The following GPATCH2 variants were observed in gnomAD, a reference collection of about 807,000 sequenced individuals.
GPATCH2 encodes the protein G patch domain-containing protein 2.
A neutral mutation model predicts 58.0 loss-of-function variants in GPATCH2; 51 were observed. That is an observed-to-expected ratio of 0.88 (90% CI 0.70 to 1.11). GPATCH2 has a LOEUF of 1.11. Ranked by LOEUF, GPATCH2 falls within the 50% of genes most tolerant of loss-of-function variation. The probability of loss-of-function intolerance (pLI) is 0.00; values close to 1 mark genes in which losing one functional copy is unlikely to be tolerated. For synonymous variants in GPATCH2, 222 were observed against 218.5 expected, an observed-to-expected ratio of 1.02 and a Z score of -0.14; for missense variants, 625 against 652.2, an observed-to-expected ratio of 0.96 and a Z score of 0.45.
At chr1:217,482,042 A>G (rs1571778783) in intron 8 of GPATCH2, among the ~76,000 whole-genome samples, 2 of 152,186 alleles carry the variant, frequency 1.3e-5, no homozygotes, top group East Asian at 3.9e-4. Flanking sequence ...TATTTTATAG[A>G]TAAGTAAACT....
intron 5 of GPATCH2, among the ~76,000 whole-genome samples, chr1:217,570,654 A>G (rs1666491788): frequency 6.6e-6 from 1 of 152,220 alleles, no homozygotes; most frequent in South Asian, 2.1e-4. Flanking sequence ...AATAACCAAC[A>G]AAGCGATGGC....
chr1:217,606,732 C>A (rs1322230701), intron 5 of GPATCH2, among the ~76,000 whole-genome samples: 2 of 151,936 alleles, frequency 1.3e-5, no homozygotes, highest in African/African-American at 4.8e-5. Context: ...CAGAGCAAGA[C>A]CCATCTCAAA....
chr1:217,608,750 A>C (rs894109287), intron 5 of GPATCH2: 61 of 981,860 alleles, frequency 6.2e-5, no homozygotes, highest in Non-Finnish European at 7.0e-5. Context: ...TATGTAATTC[A>C]GAAAAAAAAC....
At chr1:217,562,230 A>T (rs1665965026) in intron 5 of GPATCH2, among the ~76,000 whole-genome samples, 1 of 152,200 alleles carries the variant, frequency 6.6e-6, no homozygotes, top group South Asian at 2.1e-4. Flanking sequence ...GGGTTTATTA[A>T]CTTCATAAAC....
At chr1:217,574,443 T>C (rs1277813080) in intron 5 of GPATCH2, among the ~76,000 whole-genome samples, 3 of 152,120 alleles carry the variant, frequency 2.0e-5, no homozygotes, top group African/African-American at 7.2e-5. Context: ...GGAGTGCCCT[T>C]CCACTTAGGC....
At chr1:217,616,317 G>T (rs1472086817) in intron 2 of GPATCH2, among the ~76,000 whole-genome samples, 2 of 152,066 alleles carry the variant, frequency 1.3e-5, no homozygotes, top group Admixed American at 6.5e-5. Context: ...AAAACTTGTT[G>T]AATTAAATTT....
chr1:217,543,146 C>G lies in GPATCH2; in HGVS notation c.1099-28257G>C, dbSNP rs761666675. Reference sequence around the variant, plus strand: ...AGATGCCTTAGGGACTAAGAAATTGCTAGTCAGAGAATATAGTGGATCAAC... The same window carrying G: ...AGATGCCTTAGGGACTAAGAAATTGGTAGTCAGAGAATATAGTGGATCAAC... On this transcript the variant is annotated intron_variant, in intron 5 of 9. Coordinates refer to ENST00000366935, the MANE Select transcript of GPATCH2 (RefSeq NM_018040.5). Among the ~76,000 whole-genome samples the G allele has an allele frequency of 2.6e-5, 4 of 152,002 alleles. No homozygotes were observed. In the East Asian group the frequency reaches 7.7e-4, roughly 29 times the overall value.
chr1:217,583,570 C>CAAAAAAAA (rs60392448), intron 5 of GPATCH2, among the ~76,000 whole-genome samples: 3 of 65,212 alleles, frequency 4.6e-5, no homozygotes, highest in Non-Finnish European at 8.6e-5. Context: ...GACTCTGTCT[C>CAAAAAAAA]AAAAAAAAAA....
At chr1:217,434,828 T>C (rs1363256505) in intron 9 of GPATCH2, among the ~76,000 whole-genome samples, 1 of 152,194 alleles carries the variant, frequency 6.6e-6, no homozygotes, top group Non-Finnish European at 1.5e-5. Flanking sequence ...TCTCATGCTT[T>C]TGTTTTTATA....
chr1:217,485,408 A>G (rs1661409616), intron 8 of GPATCH2, among the ~76,000 whole-genome samples: 1 of 152,038 alleles, frequency 6.6e-6, no homozygotes, highest in Admixed American at 6.6e-5. Flanking sequence ...TCAAATTGAC[A>G]CATAAAATTA....
intron 8 of GPATCH2, among the ~76,000 whole-genome samples, chr1:217,484,892 A>C (rs1222175513): frequency 1.3e-5 from 2 of 151,998 alleles, no homozygotes; most frequent in African/African-American, 4.8e-5. Context: ...CAAAGTTGCA[A>C]AGATTTTCTC....
chr1:217,558,908 T>A (rs1665783185), intron 5 of GPATCH2, among the ~76,000 whole-genome samples: 1 of 152,190 alleles, frequency 6.6e-6, no homozygotes, highest in African/African-American at 2.4e-5. Context: ...CCAACTATAC[T>A]TGGTAGGCAA....
chr1:217,546,676 C>T (rs572869593), intron 5 of GPATCH2, among the ~76,000 whole-genome samples: 2 of 152,292 alleles, frequency 1.3e-5, no homozygotes, highest in African/African-American at 4.8e-5. Context: ...CAATACTATT[C>T]AGGACATAGC....
intron 5 of GPATCH2, among the ~76,000 whole-genome samples, chr1:217,542,206 A>G (rs186854555): frequency 6.6e-6 from 1 of 152,300 alleles, no homozygotes; most frequent in East Asian, 1.9e-4. Flanking sequence ...TCTACTAATA[A>G]TAACATACTG....
intron 8 of GPATCH2, among the ~76,000 whole-genome samples, chr1:217,478,384 G>A (rs1272909283): frequency 6.6e-6 from 1 of 151,946 alleles, no homozygotes; most frequent in Non-Finnish European, 1.5e-5. Flanking sequence ...AGAAATTCAA[G>A]ATAACACAAA....
At chr1:217,483,223 C>T (rs1661298280) in intron 8 of GPATCH2, among the ~76,000 whole-genome samples, 1 of 152,192 alleles carries the variant, frequency 6.6e-6, no homozygotes. Context: ...CTGTCTCTGT[C>T]GCCCAGGCTA....
chr1:217,563,121 C>T (rs753772889), intron 5 of GPATCH2, among the ~76,000 whole-genome samples: 3 of 152,162 alleles, frequency 2.0e-5, no homozygotes, highest in South Asian at 2.1e-4. Flanking sequence ...AGGTAATATC[C>T]GTTCCTACTA....
intron 5 of GPATCH2, among the ~76,000 whole-genome samples, chr1:217,600,659 T>C (rs996421477): frequency 1.3e-5 from 2 of 152,126 alleles, no homozygotes; most frequent in African/African-American, 4.8e-5. Flanking sequence ...TCTGTTTCCC[T>C]GATTTTGATT....
Position 217,614,162 on chromosome 1 carries a change from T to C in GPATCH2, c.814A>G (p.Thr272Ala). The C allele has an allele frequency of 1.3e-6, 2 of 1,580,976 alleles. No individual in the cohort carries two copies. Among genetic ancestry groups the C allele is most frequent in the Non-Finnish European group, 1.7e-6 (2 of 1,150,008 alleles). ...GTACCTTGTCTTCCCTCATCATTGG[T>C]AAACAATCCAGCATCAGTGCTGCTG... ...SLSSTDAGLF[T>A]NDEGRQGDDE... Residue 272 changes from threonine to alanine, a missense_variant, in exon 3 of 10, where the codon ACC becomes GCC. Physicochemically the swap from Thr to Ala is moderately conservative, Grantham distance 58. Coordinates refer to ENST00000366935, the MANE Select transcript of GPATCH2 (RefSeq NM_018040.5).
Sources: allele counts gnomAD v4.1 joint callset (sites outside exome capture counted in the v4.1 genomes callset), GRCh38; gene constraint gnomAD v4.1.1; transcripts MANE v1.5; gene names NCBI Gene and HGNC (gene_info 2026-07-23, HGNC 2026-07-21).